The following NCMAP variants were observed in gnomAD, a reference collection of about 807,000 sequenced individuals.
NCMAP encodes the protein non-compact myelin associated protein.
Under a neutral mutation model 7.8 loss-of-function variants are expected in NCMAP, and 8 were observed. That is an observed-to-expected ratio of 1.02 (90% confidence interval 0.60 to 1.84). NCMAP has a LOEUF of 1.84. Among genes scored for constraint, NCMAP ranks in the 40% most tolerant of loss-of-function variants. The pLI is 0.00. For missense variants in NCMAP, 112 were observed against 131.4 expected, an observed-to-expected ratio of 0.85 and a Z score of 0.72; for synonymous variants, 41 against 52.9, an observed-to-expected ratio of 0.78 and a Z score of 0.98.
intron 1 of NCMAP, among the ~76,000 whole-genome samples, chr1:24,560,559 A>AAC: frequency 6.6e-6 from 1 of 152,274 alleles, no homozygotes; most frequent in South Asian, 2.1e-4. Context: ...AATCTGGCCA[A>AAC]CATAGGGAGA....
At chr1:24,560,303 T>A (rs1269090857) in intron 1 of NCMAP, among the ~76,000 whole-genome samples, 1 of 152,220 alleles carries the variant, frequency 6.6e-6, no homozygotes, top group Non-Finnish European at 1.5e-5. Flanking sequence ...ATTCATTTGT[T>A]CATTCACTCA....
At chr1:24,594,131 A>C (rs1467102407) in intron 1 of NCMAP, among the ~76,000 whole-genome samples, 1 of 151,984 alleles carries the variant, frequency 6.6e-6, no homozygotes, top group Non-Finnish European at 1.5e-5. Context: ...ACCTCAGGTG[A>C]TCTGCCCACC....
chr1:24,592,867 C>G lies in NCMAP; in HGVS notation c.-7-2557C>G, dbSNP rs565261271. On this transcript the variant is annotated intron_variant, in intron 1 of 3. Coordinates refer to ENST00000374392, the MANE Select transcript of NCMAP (RefSeq NM_001010980.5). ...CCGGGAGGCGGAGCTTGCAGTGAGC[C>G]GTGATCATGCCACTGCACTCCAGCC... Among the ~76,000 whole-genome samples, 5 of 151,950 alleles carry G rather than the reference C, an allele frequency of 3.3e-5. No individual in the cohort carries two copies. In the South Asian group the frequency reaches 1.0e-3, roughly 32 times the overall value.
At chr1:24,592,380 C>T (rs569091352) in intron 1 of NCMAP, among the ~76,000 whole-genome samples, 1 of 152,212 alleles carries the variant, frequency 6.6e-6, no homozygotes, top group South Asian at 2.1e-4. Context: ...GCACTGAGCC[C>T]AGCATCAGTC....
intron 1 of NCMAP, among the ~76,000 whole-genome samples, chr1:24,568,245 C>T (rs778696205): frequency 2.2e-4 from 34 of 152,320 alleles, no homozygotes; most frequent in Middle Eastern, 3.4e-3. Context: ...GAGGCCCGCA[C>T]GGGGCACCTC....
intron 2 of NCMAP, 84 bp from the exon 3 acceptor site, chr1:24,600,856 G>A: frequency 9.0e-7 from 1 of 1,116,084 alleles, no homozygotes; most frequent in East Asian, 2.3e-5. Context: ...GACCTAGTGA[G>A]GATGTCAGGT....
intron 1 of NCMAP, among the ~76,000 whole-genome samples, chr1:24,561,792 C>A (rs1199788387): frequency 6.6e-6 from 1 of 152,036 alleles, no homozygotes; most frequent in Non-Finnish European, 1.5e-5. Context: ...CACCTGTAAT[C>A]CCAGCTACTT....
chr1:24,591,589 C>T (rs910798231), intron 1 of NCMAP, among the ~76,000 whole-genome samples: 2 of 152,292 alleles, frequency 1.3e-5, no homozygotes, highest in African/African-American at 4.8e-5. Context: ...TTGAAGGCTA[C>T]GCTCTTTTTC....
intron 1 of NCMAP, among the ~76,000 whole-genome samples, chr1:24,562,949 A>C (rs1651096418): frequency 6.6e-6 from 1 of 152,046 alleles, no homozygotes; most frequent in Non-Finnish European, 1.5e-5. Flanking sequence ...TCCAGGGCAC[A>C]TTACCAGACA....
rs1652850793 is a variant in NCMAP at position 24,609,179 on chromosome 1, T to A, written c.*3432T>A. 6.6e-6 allele frequency: 1 copy of A among 152,224 alleles called. No individual in the cohort carries two copies. Among genetic ancestry groups the A allele is most frequent in the Admixed American group, 6.5e-5 (1 of 15,286 alleles). 9.4% of individuals were successfully genotyped at this position (152,224 alleles called of 1,614,324 possible). ...CTGCTCTCAAGGAGTTAGCAGCTGGTCTCATGCAGGGATCTCACCACGTGG... is the reference window on the plus strand; with the variant it reads ...CTGCTCTCAAGGAGTTAGCAGCTGGACTCATGCAGGGATCTCACCACGTGG... On this transcript the variant is annotated 3_prime_UTR_variant, in exon 4 of 4. Transcript: ENST00000374392.
At chr1:24,586,622 G>A (rs997382886) in intron 1 of NCMAP, among the ~76,000 whole-genome samples, 2 of 152,096 alleles carry the variant, frequency 1.3e-5, no homozygotes, top group African/African-American at 2.4e-5. Flanking sequence ...TTAGCTGGGC[G>A]TGGTGGCAGG....
rs941059228 is a variant in NCMAP at position 24,572,660 on chromosome 1, C to T, written c.-8+16491C>T. Among the ~76,000 whole-genome samples, 10 of 150,590 alleles carry T rather than the reference C, an allele frequency of 6.6e-5. No individual in the cohort carries two copies. In the South Asian group the frequency reaches 1.7e-3, roughly 25 times the overall value. On this transcript the variant is annotated intron_variant, in intron 1 of 3. Transcript: ENST00000374392. ...CCTCCTCCTAGGAGTACACAGGCCC[C>T]CTGGAGAGCTCAGCACCCCAGCACA...
At chr1:24,597,991 G>A (rs1376280469) in intron 2 of NCMAP, among the ~76,000 whole-genome samples, 1 of 151,986 alleles carries the variant, frequency 6.6e-6, no homozygotes, top group African/African-American at 2.4e-5. Flanking sequence ...GAACTTGGAG[G>A]CATTGCAACT....
In NCMAP at chr1:24,604,613, T is replaced by A. The variant is rs1302268317; in HGVS notation, c.168-993T>A. ...AAAAAAAAAAAAAAAAAAATATATA[T>A]ATATATATATATATATATATATATA... On this transcript the variant is annotated intron_variant, in intron 3 of 3. Coordinates refer to ENST00000374392, the MANE Select transcript of NCMAP (RefSeq NM_001010980.5). 1.1e-3 allele frequency among the ~76,000 whole-genome samples: 20 copies of A among 18,024 alleles called. 1 individual carries two copies. Among genetic ancestry groups the A allele is most frequent in the Admixed American group, 3.4e-3 (5 of 1,476 alleles). 11.8% of individuals were successfully genotyped at this position (18,024 alleles called of 152,430 possible).
intron 1 of NCMAP, among the ~76,000 whole-genome samples, chr1:24,575,344 C>T (rs140842451): frequency 1.3e-3 from 205 of 152,132 alleles, no homozygotes; most frequent in East Asian, 7.4e-3. Flanking sequence ...AAATGTATTA[C>T]GCTGGGAGAG....
At chr1:24,598,265 G>A (rs1050147377) in intron 2 of NCMAP, among the ~76,000 whole-genome samples, 13 of 149,818 alleles carry the variant, frequency 8.7e-5, no homozygotes, top group African/African-American at 2.9e-4. Context: ...TTCAAAATGT[G>A]CATAAATCAT....
intron 1 of NCMAP, among the ~76,000 whole-genome samples, chr1:24,578,524 T>A (rs957785314): frequency 3.3e-5 from 5 of 149,930 alleles, no homozygotes; most frequent in African/African-American, 9.8e-5. Flanking sequence ...CCTAAGCCTG[T>A]TGGGGGAGGG....
chr1:24,597,766 C>G (rs374159910), intron 2 of NCMAP, among the ~76,000 whole-genome samples: 10 of 151,936 alleles, frequency 6.6e-5, no homozygotes, highest in East Asian at 3.9e-4. Flanking sequence ...CCAGATTTAG[C>G]AAATAAAAAT....
chr1:24,558,519 A>G (rs888212479), intron 1 of NCMAP, among the ~76,000 whole-genome samples: 1 of 152,008 alleles, frequency 6.6e-6, no homozygotes, highest in Non-Finnish European at 1.5e-5. Flanking sequence ...TGCCATCATC[A>G]ATGCCTTTTC....
Sources: allele counts gnomAD v4.1 joint callset (sites outside exome capture counted in the v4.1 genomes callset), GRCh38; gene constraint gnomAD v4.1.1; transcripts MANE v1.5; gene names NCBI Gene and HGNC (gene_info 2026-07-23, HGNC 2026-07-21).